DISC1: variants seen among roughly 807,000 people sequenced by gnomAD.
DISC1 encodes DISC1 scaffold protein, also known as disrupted in schizophrenia 1 protein.
DISC1 carries 57 observed loss-of-function variants against 84.5 expected under a neutral mutation model. The ratio of observed to expected loss-of-function variants is 0.67; its 90% CI spans 0.55 to 0.84. DISC1 has a LOEUF of 0.84. Ranked by LOEUF, DISC1 falls within the 40% of genes least tolerant of loss-of-function variation. DISC1 has a pLI of 0.00. For missense variants in DISC1, 1,000 were observed against 1,057.8 expected (o/e 0.95, Z 0.76); for synonymous variants, 411 against 415.2 (o/e 0.99, Z 0.12).
chr1:232,002,588 A>G (rs900325973), intron 10 of DISC1, among the ~76,000 whole-genome samples: 10 of 145,490 alleles, frequency 6.9e-5, no homozygotes, highest in African/African-American at 2.3e-4. Flanking sequence ...CCAGGGAATT[A>G]TGCTGAGCAC....
At chr1:231,849,472 G>A (rs2083715927) in intron 9 of DISC1, among the ~76,000 whole-genome samples, 1 of 152,154 alleles carries the variant, frequency 6.6e-6, no homozygotes, top group African/African-American at 2.4e-5. Context: ...TAGACAACAT[G>A]CCCAAGGTCC....
intron 1 of DISC1, 118 bp downstream of exon 1, chr1:231,627,052 G>T: frequency 1.5e-6 from 1 of 651,982 alleles, no homozygotes. Context: ...AACCCCTTTC[G>T]AGGTGAGGGA....
In DISC1 at chr1:232,036,935, T is replaced by C. The variant is rs756955507; in HGVS notation, c.*104T>C. Reference sequence around the variant, plus strand: ...AAGATGCCTGAATCAATTACGGAGATACAGAGCCTTGAGGTCTTTCAGTGG... The same window carrying C: ...AAGATGCCTGAATCAATTACGGAGACACAGAGCCTTGAGGTCTTTCAGTGG... On this transcript the variant is annotated 3_prime_UTR_variant, in exon 13 of 13. Coordinates refer to ENST00000439617, the MANE Select transcript of DISC1 (RefSeq NM_018662.3). 135 of 1,296,922 alleles carry C rather than the reference T, an allele frequency of 1.0e-4. No homozygotes were observed. Among genetic ancestry groups the C allele is most frequent in the Non-Finnish European group, 1.4e-4 (134 of 980,150 alleles). The allele number at this position is 1,296,922 out of a possible 1,614,324, so 80.3% of individuals were successfully genotyped here.
intron 8 of DISC1, among the ~76,000 whole-genome samples, chr1:231,814,763 G>T (rs1419954920): frequency 6.6e-6 from 1 of 151,934 alleles, no homozygotes; most frequent in Non-Finnish European, 1.5e-5. Flanking sequence ...AGATTTTCAG[G>T]CAACAGCCAG....
intron 9 of DISC1, among the ~76,000 whole-genome samples, chr1:231,853,493 A>G (rs1235344632): frequency 1.3e-5 from 2 of 152,252 alleles, no homozygotes; most frequent in African/African-American, 2.4e-5. Flanking sequence ...ATATCTAAAC[A>G]GAAAAGGTAC....
intron 9 of DISC1, among the ~76,000 whole-genome samples, chr1:231,912,750 TTTCTTTCTTTCTTTC>T (rs1460445862): frequency 5.1e-5 from 1 of 19,596 alleles, no homozygotes; most frequent in African/African-American, 2.2e-4. Flanking sequence ...CTCTTCTTTC[TTTCTTTCTTTCTTTC>T]TTTCTTTCTT....
intron 4 of DISC1, among the ~76,000 whole-genome samples, chr1:231,758,115 TG>T (rs2075319354): frequency 6.6e-6 from 1 of 152,104 alleles, no homozygotes; most frequent in South Asian, 2.1e-4. Context: ...AGGAACCTTT[TG>T]GCCAATGGGT....
intron 9 of DISC1, among the ~76,000 whole-genome samples, chr1:231,924,043 C>T (rs1362457819): frequency 3.3e-5 from 5 of 152,134 alleles, no homozygotes; most frequent in African/African-American, 9.7e-5. Flanking sequence ...GCTTAAGGGT[C>T]GCTTATTTCA....
chr1:231,694,221 A>G lies in DISC1; in HGVS notation c.463A>G (p.Thr155Ala), dbSNP rs750498211. ...GTTTGCAGCCATGGATAGTTCTGAG[A>G]CCCTGGACGCCAGCTGGGAGGCAGC... Reference protein sequence around the residue: ...QEFAAMDSSETLDASWEAACS... With the variant: ...QEFAAMDSSEALDASWEAACS... Residue 155 changes from threonine to alanine, a missense_variant, in exon 2 of 13, where the codon ACC becomes GCC. Physicochemically the swap from Thr to Ala is moderately conservative, Grantham distance 58. Coordinates refer to ENST00000439617, the MANE Select transcript of DISC1 (RefSeq NM_018662.3). The G allele has an allele frequency of 3.1e-6, 5 of 1,614,094 alleles. No homozygotes were observed. Among genetic ancestry groups the G allele is most frequent in the Non-Finnish European group, 4.2e-6 (5 of 1,180,002 alleles).
intron 9 of DISC1, among the ~76,000 whole-genome samples, chr1:231,833,018 C>T: frequency 7.7e-6 from 1 of 129,798 alleles, no homozygotes; most frequent in African/African-American, 2.9e-5. Flanking sequence ...GATCGGTCAC[C>T]AAGGAGGGAG....
intron 3 of DISC1, among the ~76,000 whole-genome samples, chr1:231,704,807 C>T (rs1331524130): frequency 7.3e-6 from 1 of 136,630 alleles, no homozygotes; most frequent in African/African-American, 2.7e-5. Flanking sequence ...TTAAGTAGGA[C>T]TGGGGTGGGG....
rs140223325 is a variant in DISC1, at chr1:231,994,866, C to G, written c.2043-13919C>G. On this transcript the variant is annotated intron_variant, in intron 10 of 12. Coordinates refer to ENST00000439617, the MANE Select transcript of DISC1 (RefSeq NM_018662.3). The stretch of plus-strand genomic sequence containing the variant: ...ATCTCATCACCTTCTAACTAACAAT[C>G]CAGGGAGGGGTTGCTATCCATTGTG... Among the ~76,000 whole-genome samples, 13 of 152,212 alleles carry G rather than the reference C, an allele frequency of 8.5e-5. No individual in the cohort carries two copies. The East Asian group carries it at 2.5e-3, about 29-fold the overall frequency.
At chr1:231,917,683 G>T (rs1323843782) in intron 9 of DISC1, among the ~76,000 whole-genome samples, 1 of 152,212 alleles carries the variant, frequency 6.6e-6, no homozygotes, top group Non-Finnish European at 1.5e-5. Flanking sequence ...TGGGGCAGGA[G>T]TGGGGCGAGC....
intron 3 of DISC1, among the ~76,000 whole-genome samples, chr1:231,744,004 T>A (rs928108948): frequency 6.6e-6 from 1 of 152,188 alleles, no homozygotes; most frequent in African/African-American, 2.4e-5. Flanking sequence ...TACTCTCTGC[T>A]GGTGTATGAT....
intron 10 of DISC1, among the ~76,000 whole-genome samples, chr1:231,995,927 C>T (rs1197711482): frequency 1.3e-5 from 2 of 151,874 alleles, no homozygotes; most frequent in African/African-American, 4.8e-5. Context: ...CTGACTTCCA[C>T]AATGGTTGAA....
chr1:231,801,175 G>C (rs866397897), intron 8 of DISC1, among the ~76,000 whole-genome samples: 1 of 152,088 alleles, frequency 6.6e-6, no homozygotes, highest in Non-Finnish European at 1.5e-5. Flanking sequence ...GTGCAGTCAC[G>C]CGTATTATTT....
chr1:231,866,685 C>A, intron 9 of DISC1: 1 of 1,394,086 alleles, frequency 7.2e-7, no homozygotes, highest in Non-Finnish European at 9.4e-7. Flanking sequence ...GACATGATGT[C>A]ACAATAAAAA....
Position 231,709,860 on chromosome 1 carries a change from G to T in DISC1, c.1117+7836G>T, listed in dbSNP as rs76817138. On this transcript the variant is annotated intron_variant, in intron 3 of 12. Coordinates refer to ENST00000439617, the MANE Select transcript of DISC1 (RefSeq NM_018662.3). ...ACAAGCTGTTCATGTTGTAGAGTCCGGTTGATGAAGCAGAATGTGGTTCAG... is the reference window on the plus strand; with the variant it reads ...ACAAGCTGTTCATGTTGTAGAGTCCTGTTGATGAAGCAGAATGTGGTTCAG... Among the ~76,000 whole-genome samples, 129 of 152,248 alleles carry T rather than the reference G, an allele frequency of 8.5e-4. 1 individual carries two copies. The East Asian group carries it at 0.023, about 28-fold the overall frequency.
chr1:231,818,681 C>G (rs1535530), intron 9 of DISC1, 164 bp downstream of exon 9: 7 of 1,437,522 alleles, frequency 4.9e-6, no homozygotes, highest in Non-Finnish European at 6.4e-6. Flanking sequence ...CTTGGCAAAC[C>G]GAATGGAATT....
Sources: gnomAD v4.1 joint callset for allele counts (sites outside exome capture counted in the v4.1 genomes callset) on GRCh38, gnomAD v4.1.1 for gene constraint, MANE v1.5 for transcripts, NCBI Gene and HGNC (gene_info 2026-07-23, HGNC 2026-07-21) for gene names.